Variants in SCAND3 observed in about 807,000 individuals in gnomAD.
SCAND3 encodes the protein SCAN domain-containing protein 3.
At chr6:28,579,303 T>A in the SCAND3 span, 1 of 1,614,028 alleles carries the variant, frequency 6.2e-7, no homozygotes, top group Non-Finnish European at 8.5e-7. The surrounding 1 kb of genome is among the most constrained non-coding windows in gnomAD (Gnocchi z 4.5). Flanking sequence ...GCTCTGGAGA[T>A]TCACATTCCA....
the SCAND3 span, among the ~76,000 whole-genome samples, chr6:28,595,195 CAAAAAAAAAAAAAAAAAAA>C: frequency 2.4e-3 from 39 of 16,104 alleles, 1 homozygote; most frequent in African/African-American, 6.1e-3. Context: ...CCGTCACTAC[CAAAAAAAAAAAAAAAAAAA>C]AAAAAAAAAG....
chr6:28,582,267 T>A, the SCAND3 span, among the ~76,000 whole-genome samples: 24 of 152,206 alleles, frequency 1.6e-4, no homozygotes, highest in Non-Finnish European at 2.2e-4. The surrounding 1 kb of genome is among the most constrained non-coding windows in gnomAD (Gnocchi z 4.8). Flanking sequence ...TGATTTTTTT[T>A]AAGCTCATCA....
chr6:28,589,604 G>A, the SCAND3 span: 4 of 152,166 alleles, frequency 2.6e-5, no homozygotes, highest in African/African-American at 9.7e-5. Flanking sequence ...AAAGTACCAA[G>A]CTCTTTCGCC....
At chr6:28,586,237 A>G in the SCAND3 span, 1 of 1,398,224 alleles carries the variant, frequency 7.2e-7, no homozygotes, top group East Asian at 2.3e-5. This position sits in a 1 kb window ranked among gnomAD's most constrained non-coding sequence, Gnocchi z 4.4. Context: ...TACTCCCATT[A>G]CTCCATTCTG....
At chr6:28,615,108 G>C in the SCAND3 span, among the ~76,000 whole-genome samples, 1 of 152,130 alleles carries the variant, frequency 6.6e-6, no homozygotes, top group Non-Finnish European at 1.5e-5. Context: ...TTGCCTCACC[G>C]TAAGCACACT....
At chr6:28,595,090 G>A in the SCAND3 span, among the ~76,000 whole-genome samples, 2 of 149,120 alleles carry the variant, frequency 1.3e-5, no homozygotes, top group Admixed American at 6.8e-5. Flanking sequence ...GCCAGAAGCG[G>A]TAATCCCACG....
chr6:28,572,718 A>C, the SCAND3 span: 2 of 1,614,160 alleles, frequency 1.2e-6, no homozygotes, highest in Non-Finnish European at 1.7e-6. The surrounding 1 kb of genome is among the most constrained non-coding windows in gnomAD (Gnocchi z 4.1). Context: ...ACCGTATCTC[A>C]GCATGCAGTA....
the SCAND3 span, among the ~76,000 whole-genome samples, chr6:28,610,016 G>A: frequency 1.3e-5 from 2 of 152,038 alleles, no homozygotes; most frequent in Non-Finnish European, 2.9e-5. Context: ...CTTGAGTTTG[G>A]GAGTTCGAGA....
At chr6:28,583,152 G>C in the SCAND3 span, among the ~76,000 whole-genome samples, 1 of 151,948 alleles carries the variant, frequency 6.6e-6, no homozygotes, top group African/African-American at 2.4e-5. Flanking sequence ...CAACACTTTG[G>C]GAGGCCGAGG....
chr6:28,576,158 C>A, the SCAND3 span: 2 of 1,532,618 alleles, frequency 1.3e-6, no homozygotes, highest in East Asian at 2.3e-5. Flanking sequence ...GGAAAAAAAT[C>A]AATTAGAATA....
At chr6:28,573,295 G>A in the SCAND3 span, 1 of 1,614,056 alleles carries the variant, frequency 6.2e-7, no homozygotes, top group Non-Finnish European at 8.5e-7. Context: ...TGGTACCTGA[G>A]CTACCTTCTT....
the SCAND3 span, among the ~76,000 whole-genome samples, chr6:28,582,749 C>T: frequency 6.6e-6 from 1 of 151,656 alleles, no homozygotes; most frequent in Non-Finnish European, 1.5e-5. The surrounding 1 kb of genome is among the most constrained non-coding windows in gnomAD (Gnocchi z 4.8). Context: ...GGTGAAGCCA[C>T]GTCTCTACTA....
the SCAND3 span, chr6:28,576,047 C>G: frequency 2.5e-6 from 4 of 1,613,532 alleles, no homozygotes; most frequent in Non-Finnish European, 3.4e-6. Context: ...CTCATGTTTT[C>G]TGGTTCAATT....
chr6:28,594,385 T>G, the SCAND3 span: 1 of 152,274 alleles, frequency 6.6e-6, no homozygotes, highest in Non-Finnish European at 1.5e-5. Flanking sequence ...CCAGGAACAG[T>G]GGCTCAAGCC....
the SCAND3 span, chr6:28,575,253 G>GA: frequency 6.2e-7 from 1 of 1,613,992 alleles, no homozygotes; most frequent in Non-Finnish European, 8.5e-7. This position sits in a 1 kb window ranked among gnomAD's most constrained non-coding sequence, Gnocchi z 4.2. Context: ...GCATCCAGGA[G>GA]AAAATCCTCT....
At chr6:28,572,726 G>A in the SCAND3 span, 1 of 1,614,090 alleles carries the variant, frequency 6.2e-7, no homozygotes, top group South Asian at 1.1e-5. The surrounding 1 kb of genome is among the most constrained non-coding windows in gnomAD (Gnocchi z 4.1). Context: ...TCAGCATGCA[G>A]TAACAGTTGC....
At chr6:28,602,471 G>A in the SCAND3 span, among the ~76,000 whole-genome samples, 2 of 152,210 alleles carry the variant, frequency 1.3e-5, no homozygotes, top group African/African-American at 4.8e-5. Context: ...GCCTCCCAAA[G>A]TGCTGGGATT....
At chr6:28,593,879 T>G in the SCAND3 span, among the ~76,000 whole-genome samples, 1 of 151,990 alleles carries the variant, frequency 6.6e-6, no homozygotes, top group Admixed American at 6.6e-5. Flanking sequence ...TGATCTTTAT[T>G]TATTTTGTAG....
At chr6:28,575,838 C>T in the SCAND3 span, 60 of 1,613,932 alleles carry the variant, frequency 3.7e-5, no homozygotes, top group Middle Eastern at 1.6e-4. The surrounding 1 kb of genome is among the most constrained non-coding windows in gnomAD (Gnocchi z 4.2). Flanking sequence ...CATTTACAGC[C>T]TCAATTAGCT....
Sources: gnomAD v4.1 joint callset for allele counts (sites outside exome capture counted in the v4.1 genomes callset) on GRCh38, gnomAD v4.1.1 for gene constraint, Gnocchi (gnomAD v3.1) non-coding constraint, MANE v1.5 for transcripts, NCBI Gene and HGNC (gene_info 2026-07-23, HGNC 2026-07-21) for gene names.